The following RFX3 variants were observed in gnomAD, a reference collection of about 807,000 sequenced individuals.
RFX3 encodes regulatory factor X3.
A neutral mutation model predicts 98.6 loss-of-function variants in RFX3; 14 were observed. The ratio of observed to expected loss-of-function variants is 0.14; its 90% CI spans 0.09 to 0.22. RFX3 has a LOEUF of 0.22. Among genes scored for constraint, RFX3 ranks in the 10% least tolerant of loss-of-function variants. RFX3 has a pLI of 1.00. For synonymous variants in RFX3, 383 were observed against 328.4 expected (o/e 1.17, Z -1.80); for missense variants, 639 against 926.9 (o/e 0.69, Z 4.03).
chr9:3,272,384 T>G (rs144251044), intron 9 of RFX3, among the ~76,000 whole-genome samples: 1 of 152,198 alleles, frequency 6.6e-6, no homozygotes, highest in African/African-American at 2.4e-5. Context: ...TTTGTTGAGT[T>G]TGGGCCACCT....
At chr9:3,327,989 G>C (rs766080199) in intron 4 of RFX3, among the ~76,000 whole-genome samples, 2 of 152,156 alleles carry the variant, frequency 1.3e-5, no homozygotes, top group Non-Finnish European at 2.9e-5. Context: ...TAGTGAGAGA[G>C]CAAGTAAATT....
intron 3 of RFX3, among the ~76,000 whole-genome samples, chr9:3,340,012 G>C (rs1415622906): frequency 6.6e-6 from 1 of 151,994 alleles, no homozygotes; most frequent in African/African-American, 2.4e-5. Context: ...ATACTACAAG[G>C]CTACAGTAAC....
At chr9:3,454,597 A>G (rs1225630773) in intron 1 of RFX3, among the ~76,000 whole-genome samples, 2 of 152,226 alleles carry the variant, frequency 1.3e-5, no homozygotes, top group African/African-American at 4.8e-5. Flanking sequence ...AGCAACTGAG[A>G]AGAGATAGGG....
chr9:3,471,551 T>C (rs1417974656), intron 1 of RFX3, among the ~76,000 whole-genome samples: 1 of 152,208 alleles, frequency 6.6e-6, no homozygotes, highest in Non-Finnish European at 1.5e-5. Flanking sequence ...TTAAGTATAA[T>C]TGAACTCATG....
At chr9:3,268,218 T>C (rs574741174) in intron 11 of RFX3, among the ~76,000 whole-genome samples, 1 of 151,910 alleles carries the variant, frequency 6.6e-6, no homozygotes, top group Non-Finnish European at 1.5e-5. Flanking sequence ...TAGTGTGATG[T>C]GCAGAATTTT....
At chr9:3,342,203 A>G (rs1408333343) in intron 3 of RFX3, among the ~76,000 whole-genome samples, 1 of 152,204 alleles carries the variant, frequency 6.6e-6, no homozygotes, top group African/African-American at 2.4e-5. Flanking sequence ...ATGTGATTTT[A>G]TTAGATATTA....
At chr9:3,234,092 C>A (rs964533732) in intron 15 of RFX3, among the ~76,000 whole-genome samples, 1 of 152,080 alleles carries the variant, frequency 6.6e-6, no homozygotes, top group African/African-American at 2.4e-5. Flanking sequence ...ATTTATATGT[C>A]CAAGTCTAAT....
intron 2 of RFX3, among the ~76,000 whole-genome samples, chr9:3,376,815 T>C (rs1271127457): frequency 2.6e-5 from 4 of 152,178 alleles, no homozygotes; most frequent in Non-Finnish European, 4.4e-5. Context: ...AAAGAAGACA[T>C]TTATGCAGCC....
At chr9:3,407,361 A>T (rs1564059764) in intron 1 of RFX3, among the ~76,000 whole-genome samples, 1 of 152,172 alleles carries the variant, frequency 6.6e-6, no homozygotes, top group East Asian at 1.9e-4. Flanking sequence ...TGATGTAGGT[A>T]CTATTATTAT....
At chr9:3,244,212 G>C (rs552483558) in intron 15 of RFX3, among the ~76,000 whole-genome samples, 57 of 151,940 alleles carry the variant, frequency 3.8e-4, no homozygotes, top group African/African-American at 1.3e-3. Context: ...CACCATATTG[G>C]TTAGGCTGGT....
intron 2 of RFX3, among the ~76,000 whole-genome samples, chr9:3,351,776 T>A (rs977431326): frequency 3.3e-5 from 5 of 151,868 alleles, no homozygotes; most frequent in Non-Finnish European, 2.9e-5. Flanking sequence ...TCTAGAACTA[T>A]AAAAATTACC....
intron 2 of RFX3, among the ~76,000 whole-genome samples, chr9:3,388,516 C>T (rs1055021452): frequency 9.2e-5 from 14 of 151,986 alleles, no homozygotes; most frequent in Non-Finnish European, 1.9e-4. Context: ...CCAATATAGC[C>T]AACTAGCTAT....
At chr9:3,268,876 G>C (rs534143359) in intron 11 of RFX3, among the ~76,000 whole-genome samples, 7 of 151,906 alleles carry the variant, frequency 4.6e-5, no homozygotes, top group Non-Finnish European at 1.0e-4. Context: ...GAAAGTACTT[G>C]CTGACATCCC....
intron 9 of RFX3, among the ~76,000 whole-genome samples, chr9:3,274,222 G>C (rs912819773): frequency 1.3e-5 from 2 of 152,120 alleles, no homozygotes; most frequent in Non-Finnish European, 2.9e-5. Flanking sequence ...TCAGATTTGC[G>C]CTAGCAATTC....
At chr9:3,265,339 G>C (rs749108872) in intron 12 of RFX3, among the ~76,000 whole-genome samples, 3 of 152,284 alleles carry the variant, frequency 2.0e-5, no homozygotes, top group African/African-American at 7.2e-5. Context: ...ATATGTTTTA[G>C]AGAGAGAAAG....
chr9:3,347,741 A>G (rs1433126805), intron 2 of RFX3, among the ~76,000 whole-genome samples: 6 of 151,696 alleles, frequency 4.0e-5, no homozygotes, highest in Admixed American at 6.6e-5. Context: ...CAGGAGAATC[A>G]CTTGAATCCA....
In RFX3 at chr9:3,225,186, T is replaced by G; in HGVS notation, c.2106A>C (p.Ala702=). ...AKREKTELSQ[A]FPVGCMQPVL... is the part of the protein sequence containing the mutation. Reference sequence around the variant, plus strand: ...CAGGCTGCATGCAGCCCACTGGAAATGCCTGGCTCAGCTCTGTTTTCTCTC... The same window carrying G: ...CAGGCTGCATGCAGCCCACTGGAAAGGCCTGGCTCAGCTCTGTTTTCTCTC... Residue 702 remains alanine, a synonymous_variant, in exon 17 of 17, where the codon GCA becomes GCC. Coordinates refer to ENST00000617270, the MANE Select transcript of RFX3 (RefSeq NM_001282116.2). The G allele has an allele frequency of 1.2e-6, 2 of 1,613,948 alleles. No individual in the cohort carries two copies.
rs1481325524 is a variant in RFX3 at position 3,457,538 on chromosome 9, C to T, written c.-8-61942G>A. Reference sequence around the variant, plus strand: ...GCTTTCACTGCACTATCCAGTATTACATCTGTCCCAACCAGTAGTTTGTTC... The same window carrying T: ...GCTTTCACTGCACTATCCAGTATTATATCTGTCCCAACCAGTAGTTTGTTC... On this transcript the variant is annotated intron_variant, in intron 1 of 16. Coordinates refer to ENST00000617270, the MANE Select transcript of RFX3 (RefSeq NM_001282116.2). 2.0e-5 allele frequency among the ~76,000 whole-genome samples: 3 copies of T among 152,288 alleles called. 1 individual carries two copies. The highest frequency in any genetic ancestry group is 7.2e-5 in the African/African-American group (3 of 41,578).
Position 3,474,935 on chromosome 9 carries a change from A to G in RFX3, c.-9+50812T>C, listed in dbSNP as rs566311729. Among the ~76,000 whole-genome samples the G allele has an allele frequency of 3.7e-4, 56 of 152,180 alleles. 1 individual carries two copies. Among genetic ancestry groups the G allele is most frequent in the African/African-American group, 1.3e-3 (55 of 41,510 alleles). On this transcript the variant is annotated intron_variant, in intron 1 of 16. Coordinates refer to ENST00000617270, the MANE Select transcript of RFX3 (RefSeq NM_001282116.2). Reference sequence around the variant, plus strand: ...GGCAACACAGGAAGATCCCATCTCCACAAAAAGTAAAAAATTAGCTGGGTG... The same window carrying G: ...GGCAACACAGGAAGATCCCATCTCCGCAAAAAGTAAAAAATTAGCTGGGTG...
Sources: gnomAD v4.1 joint callset for allele counts (sites outside exome capture counted in the v4.1 genomes callset) on GRCh38, gnomAD v4.1.1 for gene constraint, MANE v1.5 for transcripts, NCBI Gene and HGNC (gene_info 2026-07-23, HGNC 2026-07-21) for gene names.